The following RORA variants were observed in gnomAD, a reference collection of about 807,000 sequenced individuals.
The protein encoded by RORA is nuclear receptor ROR-alpha.
A neutral mutation model predicts 69.5 loss-of-function variants in RORA; 7 were observed. The ratio of observed to expected loss-of-function variants is 0.10; its 90% CI spans 0.06 to 0.19. The LOEUF is 0.19. Ranked by LOEUF, RORA falls within the 10% of genes least tolerant of loss-of-function variation. The pLI is 1.00. For synonymous variants in RORA, 261 were observed against 240.8 expected (o/e 1.08, Z -0.78); for missense variants, 457 against 663.0 (o/e 0.69, Z 3.41).
At chr15:61,181,239 C>G (rs974304447) in intron 1 of RORA, 3 of 151,966 alleles carry the variant, frequency 2.0e-5, no homozygotes, top group Non-Finnish European at 4.4e-5. Flanking sequence ...AGAAATCCAG[C>G]ATGTGTGTCT....
intron 1 of RORA, among the ~76,000 whole-genome samples, chr15:60,696,874 A>C (rs2070914363): frequency 6.6e-6 from 1 of 152,214 alleles, no homozygotes; most frequent in Admixed American, 6.5e-5. Flanking sequence ...GTTTTCCTAA[A>C]ATGGATATAG....
Position 61,229,151 on chromosome 15 carries a change from G to A in RORA, c.68C>T (p.Ala23Val), listed in dbSNP as rs775839824. The A allele has an allele frequency of 4.5e-6, 7 of 1,545,406 alleles. No homozygotes were observed. Among genetic ancestry groups the A allele is most frequent in the African/African-American group, 1.4e-5 (1 of 72,264 alleles). The change falls in exon 1 of 11, where the codon GCC becomes GTC. Residue 23 changes from alanine (A) to valine (V), a missense_variant. Ala to Val is a moderately conservative substitution (Grantham distance 64). Coordinates refer to ENST00000335670, the MANE Select transcript of RORA (RefSeq NM_134261.3). Reference sequence around the variant, plus strand: ...CAGCGGGGTCTCCCTGGAGCCGGCGGCCGCGTCCGCGCCGCTGCTGCCTGG... The same window carrying A: ...CAGCGGGGTCTCCCTGGAGCCGGCGACCGCGTCCGCGCCGCTGCTGCCTGG... Reference protein sequence around the residue: ...SEPGSSGADAAAGSRETPLNQ... With the variant: ...SEPGSSGADAVAGSRETPLNQ...
chr15:60,996,161 C>G (rs1894528712), intron 1 of RORA, among the ~76,000 whole-genome samples: 1 of 151,700 alleles, frequency 6.6e-6, no homozygotes, highest in African/African-American at 2.4e-5. Flanking sequence ...ACCTCTGCCT[C>G]CCAGGTTCAA....
intron 1 of RORA, among the ~76,000 whole-genome samples, chr15:60,745,608 C>T (rs2071635998): frequency 6.6e-6 from 1 of 152,244 alleles, no homozygotes; most frequent in African/African-American, 2.4e-5. Context: ...TGAACTAAGA[C>T]ACAGGCAACT....
At chr15:60,569,428 AAAAAG>A (rs1370341359) in intron 2 of RORA, among the ~76,000 whole-genome samples, 5 of 152,124 alleles carry the variant, frequency 3.3e-5, no homozygotes, top group African/African-American at 1.2e-4. Flanking sequence ...CTTTAAAAAG[AAAAAG>A]AAAAGAAAAA....
At chr15:61,075,715 G>T (rs1318034007) in intron 1 of RORA, among the ~76,000 whole-genome samples, 1 of 152,210 alleles carries the variant, frequency 6.6e-6, no homozygotes, top group Non-Finnish European at 1.5e-5. Context: ...TACTAGAGCA[G>T]AGCTGTGCCT....
At chr15:60,632,264 C>T (rs762815024) in intron 2 of RORA, among the ~76,000 whole-genome samples, 3 of 152,018 alleles carry the variant, frequency 2.0e-5, no homozygotes, top group Non-Finnish European at 2.9e-5. Context: ...TGCCACTACA[C>T]CCAGGTAATT....
At chr15:61,006,806 C>T (rs543730815) in intron 1 of RORA, among the ~76,000 whole-genome samples, 1 of 152,200 alleles carries the variant, frequency 6.6e-6, no homozygotes, top group East Asian at 1.9e-4. Context: ...AGTTCTAACT[C>T]CCTTTGAATT....
intron 1 of RORA, among the ~76,000 whole-genome samples, chr15:60,902,778 A>G (rs895219782): frequency 1.3e-5 from 2 of 152,338 alleles, no homozygotes; most frequent in African/African-American, 2.4e-5. Context: ...CTGAATTCAG[A>G]GTTAGGGAAA....
intron 1 of RORA, among the ~76,000 whole-genome samples, chr15:60,728,191 T>TG (rs1292397417): frequency 1.4e-5 from 1 of 72,074 alleles, no homozygotes; most frequent in Non-Finnish European, 5.7e-5. Context: ...AGATGCTTCC[T>TG]TTTTGCTTTT....
intron 1 of RORA, among the ~76,000 whole-genome samples, chr15:60,816,694 C>T (rs192815767): frequency 0.058 from 8,479 of 146,442 alleles, 465 homozygotes; most frequent in Admixed American, 0.1. Context: ...TGTAACAAAC[C>T]TGCACGTTGT....
chr15:61,059,979 AGAGGAAGAG>A (rs2078154158), intron 1 of RORA, among the ~76,000 whole-genome samples: 14 of 128,006 alleles, frequency 1.1e-4, no homozygotes, highest in African/African-American at 3.4e-4. Flanking sequence ...AGGAAGAGGA[AGAGGAAGAG>A]GAAGAAGAAG....
chr15:60,701,458 CT>C (rs1377608079), intron 1 of RORA, among the ~76,000 whole-genome samples: 1 of 152,208 alleles, frequency 6.6e-6, no homozygotes, highest in Non-Finnish European at 1.5e-5. Flanking sequence ...AAACTTCTAA[CT>C]GGGGATTCAG....
At chr15:60,843,604 T>C (rs1281986454) in intron 1 of RORA, among the ~76,000 whole-genome samples, 1 of 152,090 alleles carries the variant, frequency 6.6e-6, no homozygotes, top group Non-Finnish European at 1.5e-5. Context: ...TTCCCATGAC[T>C]TTACAGTTGT....
At chr15:61,048,742 G>C (rs1897158167) in intron 1 of RORA, among the ~76,000 whole-genome samples, 1 of 152,168 alleles carries the variant, frequency 6.6e-6, no homozygotes, top group African/African-American at 2.4e-5. Context: ...GGAAGCCTAA[G>C]GGGTGGTTTT....
intron 2 of RORA, among the ~76,000 whole-genome samples, chr15:60,598,249 G>T (rs1239712488): frequency 1.3e-5 from 2 of 152,148 alleles, no homozygotes; most frequent in African/African-American, 4.8e-5. Context: ...ATCAAAATTT[G>T]TTGAAATGTT....
chr15:60,728,435 T>A (rs1303366570), intron 1 of RORA, among the ~76,000 whole-genome samples: 1 of 152,180 alleles, frequency 6.6e-6, no homozygotes, highest in Non-Finnish European at 1.5e-5. Flanking sequence ...TTCAGTTACC[T>A]ATTCAGTTGA....
At chr15:61,159,721 G>A (rs757687101) in intron 1 of RORA, among the ~76,000 whole-genome samples, 21 of 152,156 alleles carry the variant, frequency 1.4e-4, no homozygotes, top group Non-Finnish European at 2.5e-4. Flanking sequence ...TTTTGAATGT[G>A]CAATGGCAAC....
intron 1 of RORA, among the ~76,000 whole-genome samples, chr15:60,861,739 T>C (rs1254989763): frequency 6.6e-6 from 1 of 152,214 alleles, no homozygotes; most frequent in African/African-American, 2.4e-5. Flanking sequence ...TTCCTCTTCG[T>C]GTAATTTGAC....
Sources: allele counts gnomAD v4.1 joint callset (sites outside exome capture counted in the v4.1 genomes callset), GRCh38; gene constraint gnomAD v4.1.1; transcripts MANE v1.5; gene names NCBI Gene and HGNC (gene_info 2026-07-23, HGNC 2026-07-21).